The following MAML2 variants were observed in gnomAD, a reference collection of about 807,000 sequenced individuals.
The protein encoded by MAML2 is mastermind-like protein 2.
Under a neutral mutation model 96.1 loss-of-function variants are expected in MAML2, and 22 were observed. That is an observed-to-expected ratio of 0.23 (90% CI 0.16 to 0.33). MAML2 has a LOEUF of 0.33. Among genes scored for constraint, MAML2 ranks in the 10% least tolerant of loss-of-function variants. The pLI is 1.00. For synonymous variants in MAML2, 561 were observed against 521.3 expected (o/e 1.08, Z -1.04); for missense variants, 1,367 against 1,392.4 (o/e 0.98, Z 0.29).
chr11:96,034,432 T>TGAGAGAGAGA (rs371921984), intron 2 of MAML2, among the ~76,000 whole-genome samples: 4 of 135,656 alleles, frequency 2.9e-5, no homozygotes, highest in Non-Finnish European at 6.3e-5. Context: ...TGTGTGTGTG[T>TGAGAGAGAGA]GAGAGAGAGA....
chr11:96,102,960 A>C (rs1226955681), intron 1 of MAML2, among the ~76,000 whole-genome samples: 1 of 152,212 alleles, frequency 6.6e-6, no homozygotes, highest in Non-Finnish European at 1.5e-5. Flanking sequence ...TGAAATCTCT[A>C]AATGCCCTCC....
chr11:96,046,246 G>C (rs1049416464), intron 2 of MAML2, among the ~76,000 whole-genome samples: 1 of 152,082 alleles, frequency 6.6e-6, no homozygotes, highest in African/African-American at 2.4e-5. Context: ...GCAGGCTCGA[G>C]CCAAGAGACG....
intron 1 of MAML2, among the ~76,000 whole-genome samples, chr11:96,235,635 T>A (rs1862356961): frequency 6.6e-6 from 1 of 152,234 alleles, no homozygotes; most frequent in Admixed American, 6.5e-5. Flanking sequence ...TCCTTATTAA[T>A]TCTCTTTAAA....
intron 1 of MAML2, among the ~76,000 whole-genome samples, chr11:96,108,190 A>G (rs930277126): frequency 7.2e-5 from 11 of 152,198 alleles, no homozygotes; most frequent in Non-Finnish European, 1.5e-5. Flanking sequence ...TTAATTTATG[A>G]AACACCCAGT....
chr11:95,998,141 A>AGTCT (rs200511361), intron 2 of MAML2, among the ~76,000 whole-genome samples: 20,415 of 143,522 alleles, frequency 0.14, 1,555 homozygotes, highest in East Asian at 0.25. Context: ...TCTGTCTGTC[A>AGTCT]GTCTGTCTGT....
intron 1 of MAML2, among the ~76,000 whole-genome samples, chr11:96,243,927 C>A (rs1051283892): frequency 6.6e-6 from 1 of 152,142 alleles, no homozygotes; most frequent in Admixed American, 6.5e-5. Flanking sequence ...TGGCGTGAGC[C>A]ACCGCGCCCG....
At chr11:96,205,599 C>T (rs570875426) in intron 1 of MAML2, among the ~76,000 whole-genome samples, 83 of 152,296 alleles carry the variant, frequency 5.4e-4, no homozygotes, top group African/African-American at 1.9e-3. Flanking sequence ...TTGTATGATT[C>T]ATGTTGCTTA....
chr11:96,298,246 G>C (rs1277004938), intron 1 of MAML2, among the ~76,000 whole-genome samples: 1 of 152,178 alleles, frequency 6.6e-6, no homozygotes, highest in Non-Finnish European at 1.5e-5. Context: ...CTTATGTTCT[G>C]ATTAGGTTAA....
chr11:96,187,315 T>C (rs942830708), intron 1 of MAML2, among the ~76,000 whole-genome samples: 2 of 152,250 alleles, frequency 1.3e-5, no homozygotes, highest in African/African-American at 2.4e-5. Flanking sequence ...ATTACCTAGA[T>C]GCCAAAAGAA....
At chr11:96,102,577 CTTG>C (rs2135823136) in intron 1 of MAML2, among the ~76,000 whole-genome samples, 1 of 152,232 alleles carries the variant, frequency 6.6e-6, no homozygotes, top group African/African-American at 2.4e-5. Context: ...GTAAACAAAA[CTTG>C]TTGTCCAGCA....
intron 1 of MAML2, among the ~76,000 whole-genome samples, chr11:96,196,383 C>T (rs980667847): frequency 1.3e-5 from 2 of 152,202 alleles, no homozygotes; most frequent in Non-Finnish European, 2.9e-5. Flanking sequence ...TTTTGGGCTG[C>T]ATGAACATAA....
chr11:96,225,100 T>G (rs1196542281), intron 1 of MAML2, among the ~76,000 whole-genome samples: 3 of 152,360 alleles, frequency 2.0e-5, no homozygotes, highest in African/African-American at 7.2e-5. Context: ...TCTTTGCTAT[T>G]CCTCTTTTCA....
chr11:96,092,238 TGCTGCTG>T lies in MAML2; in HGVS notation c.1786_1792del (p.Gln596SerfsTer83), dbSNP rs1565211649. The T allele has an allele frequency of 1.7e-5, 27 of 1,545,950 alleles. No individual in the cohort carries two copies. The highest frequency in any genetic ancestry group is 2.3e-5 in the Non-Finnish European group (26 of 1,143,510). On this transcript the variant is annotated frameshift_variant, in exon 2 of 5. Transcript: ENST00000524717. LOFTEE classifies it high-confidence loss of function. The surrounding 1 kb of genome is among the most constrained non-coding windows in gnomAD (Gnocchi z 4.1). ...CTGCTGCTGCTGCTGCTGCTGCTGC[TGCTGCTG>T]CTGCTGTTGCTGCTGTTGCTGTTGG... is the stretch of plus-strand genomic sequence containing the variant.
At chr11:96,277,000 G>A (rs541985444) in intron 1 of MAML2, among the ~76,000 whole-genome samples, 1 of 152,192 alleles carries the variant, frequency 6.6e-6, no homozygotes, top group South Asian at 2.1e-4. Flanking sequence ...GAGTGCGGCA[G>A]GCCTCTGTAC....
chr11:95,980,277 T>G (rs903375313), intron 4 of MAML2, among the ~76,000 whole-genome samples: 3 of 152,190 alleles, frequency 2.0e-5, no homozygotes, highest in Non-Finnish European at 2.9e-5. Flanking sequence ...CCATTTTGAA[T>G]TAGCTTTACT....
At chr11:96,128,063 G>C (rs189055256) in intron 1 of MAML2, among the ~76,000 whole-genome samples, 1 of 152,292 alleles carries the variant, frequency 6.6e-6, no homozygotes, top group East Asian at 1.9e-4. Context: ...GATGCGGACT[G>C]GGTGTCTGGG....
chr11:96,276,949 T>G (rs1862997770), intron 1 of MAML2, among the ~76,000 whole-genome samples: 1 of 152,084 alleles, frequency 6.6e-6, no homozygotes, highest in Non-Finnish European at 1.5e-5. Flanking sequence ...CTGATATTTA[T>G]CAAGTGTTTA....
chr11:96,198,963 C>T (rs945236578), intron 1 of MAML2, among the ~76,000 whole-genome samples: 3 of 150,686 alleles, frequency 2.0e-5, no homozygotes, highest in South Asian at 2.1e-4. Context: ...TTTGGGAGGC[C>T]GAGGCAGGCG....
chr11:96,266,064 A>G (rs1862820950), intron 1 of MAML2, among the ~76,000 whole-genome samples: 1 of 152,138 alleles, frequency 6.6e-6, no homozygotes, highest in Non-Finnish European at 1.5e-5. Flanking sequence ...TGGGGCTTCA[A>G]AAGCTGTAAA....
Sources: allele counts gnomAD v4.1 joint callset (sites outside exome capture counted in the v4.1 genomes callset), GRCh38; gene constraint gnomAD v4.1.1; non-coding constraint Gnocchi (gnomAD v3.1); transcripts MANE v1.5; gene names NCBI Gene and HGNC (gene_info 2026-07-23, HGNC 2026-07-21).